CDH18: variants seen among roughly 807,000 people sequenced by gnomAD.
CDH18 encodes cadherin-18.
A neutral mutation model predicts 67.9 loss-of-function variants in CDH18; 31 were observed. The observed-to-expected ratio is 0.46, with a 90% CI of 0.34 to 0.62. CDH18 has a LOEUF of 0.62. Among genes scored for constraint, CDH18 ranks in the 20% least tolerant of loss-of-function variants. The pLI is 0.01. For synonymous variants in CDH18, 362 were observed against 347.2 expected (o/e 1.04, Z -0.48); for missense variants, 890 against 975.5 (o/e 0.91, Z 1.17).
At chr5:20,402,352 A>C (rs941559373) in intron 1 of CDH18, among the ~76,000 whole-genome samples, 19 of 152,222 alleles carry the variant, frequency 1.2e-4, no homozygotes, top group African/African-American at 4.6e-4. Context: ...TGACTTTGGA[A>C]AAAGGCCTGA....
intron 1 of CDH18, among the ~76,000 whole-genome samples, chr5:20,528,547 A>C (rs987935233): frequency 6.6e-6 from 1 of 152,100 alleles, no homozygotes; most frequent in Non-Finnish European, 1.5e-5. Context: ...AAGTCATAAC[A>C]AACTGTCTTT....
At chr5:20,511,959 T>C (rs1755061841) in intron 1 of CDH18, among the ~76,000 whole-genome samples, 1 of 152,186 alleles carries the variant, frequency 6.6e-6, no homozygotes, top group East Asian at 1.9e-4. Flanking sequence ...CTGGGTGTGG[T>C]GGCTCACGCC....
At chr5:19,935,146 T>C (rs776253024) in intron 2 of CDH18, among the ~76,000 whole-genome samples, 9 of 151,306 alleles carry the variant, frequency 5.9e-5, no homozygotes, top group Non-Finnish European at 1.0e-4. Context: ...CCTCAAAAAC[T>C]TTAAGGACCC....
chr5:20,097,003 A>AT (rs1452053694), intron 2 of CDH18, among the ~76,000 whole-genome samples: 1 of 152,062 alleles, frequency 6.6e-6, no homozygotes, highest in Non-Finnish European at 1.5e-5. Context: ...TTGAATACTG[A>AT]TTTTTCAATA....
At chr5:19,664,967 A>G (rs184441096) in intron 5 of CDH18, among the ~76,000 whole-genome samples, 14 of 152,118 alleles carry the variant, frequency 9.2e-5, no homozygotes, top group African/African-American at 3.4e-4. Flanking sequence ...ACATGGCTTG[A>G]GGAAATCTAA....
intron 2 of CDH18, among the ~76,000 whole-genome samples, chr5:20,200,856 T>C (rs1454031483): frequency 2.0e-5 from 3 of 152,176 alleles, no homozygotes; most frequent in Admixed American, 2.0e-4. Context: ...TTCTTATTTG[T>C]AGTTTTACAA....
intron 2 of CDH18, among the ~76,000 whole-genome samples, chr5:20,160,854 G>A (rs770824985): frequency 3.3e-5 from 5 of 152,180 alleles, no homozygotes; most frequent in Non-Finnish European, 7.4e-5. Flanking sequence ...ATTAGGCACA[G>A]CACCTGTTTG....
intron 1 of CDH18, among the ~76,000 whole-genome samples, chr5:20,481,155 T>A (rs12522218): frequency 6.7e-6 from 1 of 150,374 alleles, no homozygotes. Flanking sequence ...AGATATTCCA[T>A]GCAAATGAAA....
At chr5:19,791,009 T>C (rs992122441) in intron 3 of CDH18, among the ~76,000 whole-genome samples, 1 of 152,040 alleles carries the variant, frequency 6.6e-6, no homozygotes, top group African/African-American at 2.4e-5. Flanking sequence ...AAGAAGAGGC[T>C]GTGGGGAAAC....
chr5:20,056,868 G>C (rs141121106), intron 2 of CDH18, among the ~76,000 whole-genome samples: 5 of 151,188 alleles, frequency 3.3e-5, no homozygotes, highest in Admixed American at 6.6e-5. Context: ...TGTATTTTTA[G>C]TGGAGACGGG....
In CDH18 at chr5:19,930,606, G is replaced by C. The variant is rs1380433797; in HGVS notation, c.-257+50454C>G. On this transcript the variant is annotated intron_variant, in intron 2 of 12. Transcript: ENST00000382275. ...GGAGAGGCTCCGCAAAGCTCCGGGG[G>C]ACACTTGTACGTGAGAAGATAAATA... 2.0e-5 allele frequency among the ~76,000 whole-genome samples: 3 copies of C among 152,034 alleles called. No homozygotes were observed. In the East Asian group the frequency reaches 5.8e-4, roughly 29 times the overall value.
At chr5:20,430,656 A>G (rs1343779618) in intron 1 of CDH18, among the ~76,000 whole-genome samples, 1 of 152,198 alleles carries the variant, frequency 6.6e-6, no homozygotes, top group East Asian at 1.9e-4. Flanking sequence ...ATTTGTTTTT[A>G]TCACTTAGGG....
chr5:19,990,707 T>C (rs1301456454), upstream of CDH18, among the ~76,000 whole-genome samples: 1 of 152,156 alleles, frequency 6.6e-6, no homozygotes, highest in African/African-American at 2.4e-5. Flanking sequence ...CCCTAGCCAT[T>C]GAAAAGTGGA....
chr5:20,212,072 T>C (rs984936173), intron 2 of CDH18, among the ~76,000 whole-genome samples: 2 of 152,192 alleles, frequency 1.3e-5, no homozygotes, highest in Admixed American at 1.3e-4. Flanking sequence ...GTAAACAGCA[T>C]AGAGAAGACC....
chr5:20,005,482 T>C (rs974079420), intron 2 of CDH18, among the ~76,000 whole-genome samples: 1 of 151,560 alleles, frequency 6.6e-6, no homozygotes, highest in Non-Finnish European at 1.5e-5. Context: ...TTCTTATGAT[T>C]AAATAAGTTT....
chr5:20,192,191 C>T (rs1196404048), intron 2 of CDH18, among the ~76,000 whole-genome samples: 1 of 149,742 alleles, frequency 6.7e-6, no homozygotes, highest in Non-Finnish European at 1.5e-5. Context: ...CCTTTTCCCA[C>T]TTTTCGACGT....
chr5:20,554,103 C>T (rs1757781008), intron 1 of CDH18, among the ~76,000 whole-genome samples: 1 of 152,112 alleles, frequency 6.6e-6, no homozygotes, highest in Admixed American at 6.5e-5. Context: ...ATTTTCTCTT[C>T]TACTTCAGGG....
intron 1 of CDH18, among the ~76,000 whole-genome samples, chr5:20,391,742 A>G (rs1372381429): frequency 6.6e-6 from 1 of 151,996 alleles, no homozygotes; most frequent in Non-Finnish European, 1.5e-5. Context: ...AAAACCCAGA[A>G]ATGCCCCGTT....
intron 2 of CDH18, among the ~76,000 whole-genome samples, chr5:19,943,000 A>G (rs2150237218): frequency 6.6e-6 from 1 of 152,238 alleles, no homozygotes; most frequent in South Asian, 2.1e-4. Context: ...CTCGTGCCTC[A>G]TGACAGCATG....
Sources: allele counts gnomAD v4.1 joint callset (sites outside exome capture counted in the v4.1 genomes callset), GRCh38; gene constraint gnomAD v4.1.1; transcripts MANE v1.5; gene names NCBI Gene and HGNC (gene_info 2026-07-23, HGNC 2026-07-21).